PPP3CA: variants seen among roughly 807,000 people sequenced by gnomAD.
PPP3CA encodes the protein CAM-PRP catalytic subunit.
Under a neutral mutation model 66.5 loss-of-function variants are expected in PPP3CA, and 14 were observed. That is an observed-to-expected ratio of 0.21 (90% CI 0.14 to 0.33). PPP3CA has a LOEUF of 0.33. PPP3CA is among the 10% of genes least tolerant of loss of function. PPP3CA has a pLI of 1.00. For synonymous variants in PPP3CA, 232 were observed against 226.2 expected, an observed-to-expected ratio of 1.03 and a Z score of -0.23; for missense variants, 317 against 639.5, an observed-to-expected ratio of 0.50 and a Z score of 5.44.
intron 2 of PPP3CA, among the ~76,000 whole-genome samples, chr4:101,167,682 C>T (rs1723736456): frequency 3.3e-5 from 5 of 152,104 alleles, no homozygotes; most frequent in Admixed American, 3.3e-4. Flanking sequence ...ACACAGCTAT[C>T]ACACAGGGTG....
intron 5 of PPP3CA, among the ~76,000 whole-genome samples, chr4:101,095,065 T>C (rs1195604070): frequency 6.6e-6 from 1 of 152,108 alleles, no homozygotes; most frequent in Non-Finnish European, 1.5e-5. Flanking sequence ...AATGAGGCAA[T>C]ATTTTATGTT....
At chr4:101,200,542 T>C (rs1724935402) in intron 1 of PPP3CA, among the ~76,000 whole-genome samples, 1 of 152,142 alleles carries the variant, frequency 6.6e-6, no homozygotes, top group African/African-American at 2.4e-5. Context: ...CTATAAATGC[T>C]GACAAAAAAG....
chr4:101,211,773 C>T (rs1725306870), intron 1 of PPP3CA, among the ~76,000 whole-genome samples: 1 of 152,152 alleles, frequency 6.6e-6, no homozygotes, highest in Admixed American at 6.6e-5. Flanking sequence ...TGCCTTTACT[C>T]TTTAAAAAGC....
intron 1 of PPP3CA, among the ~76,000 whole-genome samples, chr4:101,286,279 G>A (rs528152202): frequency 3.3e-5 from 5 of 152,260 alleles, no homozygotes; most frequent in South Asian, 2.1e-4. Context: ...GCTACAGGTC[G>A]GAGGCCCAGG....
intron 1 of PPP3CA, among the ~76,000 whole-genome samples, chr4:101,258,505 C>T (rs1202794300): frequency 2.0e-5 from 3 of 152,098 alleles, no homozygotes; most frequent in Admixed American, 6.6e-5. Flanking sequence ...ACAGTAAATA[C>T]TATCTAAATT....
rs186396092 is a variant in PPP3CA at position 101,297,591 on chromosome 4, T to C, written c.58+49148A>G. 2.1e-3 allele frequency among the ~76,000 whole-genome samples: 323 copies of C among 152,246 alleles called. 2 individuals are homozygous for C. Among genetic ancestry groups the C allele is most frequent in the South Asian group, 0.01 (50 of 4,824 alleles). On this transcript the variant is annotated intron_variant, in intron 1 of 13. Coordinates refer to ENST00000394854, the MANE Select transcript of PPP3CA (RefSeq NM_000944.5). The stretch of plus-strand genomic sequence containing the variant: ...GGAAGAGGAACCCACTAGATGACCA[T>C]CCTTGGGAAAGAGTCAACCATGCCA...
chr4:101,242,996 G>A (rs1028743865), intron 1 of PPP3CA, among the ~76,000 whole-genome samples: 2 of 152,186 alleles, frequency 1.3e-5, no homozygotes, highest in Non-Finnish European at 2.9e-5. Context: ...AGCTGGTGCA[G>A]TGGAATATTA....
At chr4:101,337,203 A>T (rs954116554) in intron 1 of PPP3CA, among the ~76,000 whole-genome samples, 36 of 152,344 alleles carry the variant, frequency 2.4e-4, no homozygotes, top group African/African-American at 8.7e-4. Flanking sequence ...AAATTTTTTT[A>T]AAAATCACCT....
chr4:101,323,901 G>A (rs1433738120), intron 1 of PPP3CA, among the ~76,000 whole-genome samples: 1 of 152,054 alleles, frequency 6.6e-6, no homozygotes, highest in African/African-American at 2.4e-5. Flanking sequence ...TTGAGGTCAG[G>A]AGTTCAAGAT....
In PPP3CA at chr4:101,283,008, C is replaced by T. The variant is rs538135528; in HGVS notation, c.58+63731G>A. ...AATAAGAGTTAATTTTATAGGTTCA[C>T]ATAATACAATTAACACATTCTCAAT... On this transcript the variant is annotated intron_variant, in intron 1 of 13. Coordinates refer to ENST00000394854, the MANE Select transcript of PPP3CA (RefSeq NM_000944.5). Among the ~76,000 whole-genome samples the T allele has an allele frequency of 3.9e-5, 6 of 152,294 alleles. No homozygotes were observed. The South Asian group carries it at 1.2e-3, about 32-fold the overall frequency.
chr4:101,342,620 C>T (rs759681407), intron 1 of PPP3CA, among the ~76,000 whole-genome samples: 1 of 152,126 alleles, frequency 6.6e-6, no homozygotes, highest in Non-Finnish European at 1.5e-5. Flanking sequence ...CCAACAAACA[C>T]TGGTGTTTTT....
chr4:101,213,167 A>C (rs1725358730), intron 1 of PPP3CA, among the ~76,000 whole-genome samples: 1 of 152,170 alleles, frequency 6.6e-6, no homozygotes, highest in African/African-American at 2.4e-5. Context: ...AAAGTCATAA[A>C]TATGATAGTT....
At chr4:101,306,404 C>T (rs1018587808) in intron 1 of PPP3CA, among the ~76,000 whole-genome samples, 1 of 152,062 alleles carries the variant, frequency 6.6e-6, no homozygotes, top group African/African-American at 2.4e-5. Context: ...CAAGGCTCCC[C>T]CTCCGGAAAG....
chr4:101,066,834 G>A (rs540401862), intron 8 of PPP3CA, among the ~76,000 whole-genome samples: 2 of 152,128 alleles, frequency 1.3e-5, no homozygotes, highest in Admixed American at 6.6e-5. Flanking sequence ...CTAACAGTGC[G>A]CTCTTCTCTG....
rs565679116 is a variant in PPP3CA, at chr4:101,099,588, GA to G, written c.496+22del. On this transcript the variant is annotated intron_variant, in intron 4 of 13. Coordinates refer to ENST00000394854, the MANE Select transcript of PPP3CA (RefSeq NM_000944.5). ...CTTTTTAGCACATATAGTGTTAAAGGAAGGAGGTTGAAGTATACTTACATTC... is the reference window on the plus strand; with the variant it reads ...CTTTTTAGCACATATAGTGTTAAAGGAGGAGGTTGAAGTATACTTACATTC... 1.4e-3 allele frequency: 2,018 copies of G among 1,393,682 alleles called. 2 individuals are homozygous for G. Among genetic ancestry groups the G allele is most frequent in the Non-Finnish European group, 1.9e-3 (1,907 of 997,586 alleles). The allele number at this position is 1,393,682 out of a possible 1,614,324, so 86.3% of individuals were successfully genotyped here.
chr4:101,259,169 C>T (rs1027804359), intron 1 of PPP3CA, among the ~76,000 whole-genome samples: 1 of 152,160 alleles, frequency 6.6e-6, no homozygotes, highest in Non-Finnish European at 1.5e-5. Flanking sequence ...CCTCTCCAGC[C>T]ACCCCCCACA....
intron 1 of PPP3CA, among the ~76,000 whole-genome samples, chr4:101,245,113 A>G (rs1286917149): frequency 6.6e-6 from 1 of 152,172 alleles, no homozygotes; most frequent in Non-Finnish European, 1.5e-5. Context: ...GCTTCCCATC[A>G]GGCTTTTTAA....
chr4:101,302,959 T>C (rs1728425591), intron 1 of PPP3CA, among the ~76,000 whole-genome samples: 1 of 152,212 alleles, frequency 6.6e-6, no homozygotes, highest in African/African-American at 2.4e-5. Context: ...TGCTTAAAAA[T>C]TGGGAATGGC....
chr4:101,197,773 CAG>C (rs1352972703), intron 1 of PPP3CA, among the ~76,000 whole-genome samples: 1 of 152,090 alleles, frequency 6.6e-6, no homozygotes, highest in Non-Finnish European at 1.5e-5. Context: ...CATTACTGTA[CAG>C]GAGAAACCTG....
Sources: allele counts gnomAD v4.1 joint callset (sites outside exome capture counted in the v4.1 genomes callset), GRCh38; gene constraint gnomAD v4.1.1; transcripts MANE v1.5; gene names NCBI Gene and HGNC (gene_info 2026-07-23, HGNC 2026-07-21).